Variants in PCCA observed in about 807,000 individuals in gnomAD.
PCCA encodes propionyl-CoA carboxylase subunit alpha.
PCCA carries 74 observed loss-of-function variants against 101.3 expected under a neutral mutation model. The ratio of observed to expected loss-of-function variants is 0.73; its 90% CI spans 0.61 to 0.89. The LOEUF (loss-of-function observed/expected upper bound fraction) is 0.89, where lower values mean the gene tolerates loss of function less well. Ranked by LOEUF, PCCA falls within the 40% of genes least tolerant of loss-of-function variation. The pLI, the probability that PCCA is intolerant of heterozygous loss-of-function variation, is 0.00. For synonymous variants in PCCA, 294 were observed against 313.6 expected (o/e 0.94, Z 0.66); for missense variants, 891 against 907.0 (o/e 0.98, Z 0.23).
At chr13:100,416,059 C>T (rs2078336652) in intron 19 of PCCA, among the ~76,000 whole-genome samples, 1 of 152,138 alleles carries the variant, frequency 6.6e-6, no homozygotes, top group South Asian at 2.1e-4. Flanking sequence ...TTCCAAACAA[C>T]TCATGGAAAA....
intron 7 of PCCA, among the ~76,000 whole-genome samples, chr13:100,227,110 T>G (rs1384366252): frequency 1.3e-5 from 2 of 152,094 alleles, no homozygotes; most frequent in Non-Finnish European, 2.9e-5. Context: ...TAGCTGGGAT[T>G]GCAGGCATGC....
intron 2 of PCCA, among the ~76,000 whole-genome samples, chr13:100,108,460 C>CT (rs551826823): frequency 1.3e-5 from 2 of 151,928 alleles, no homozygotes; most frequent in Non-Finnish European, 2.9e-5. Flanking sequence ...ATCATCTGGA[C>CT]TTTTTTTTAT....
At chr13:100,481,301 TA>T (rs2083905192) in intron 21 of PCCA, 1 of 152,286 alleles carries the variant, frequency 6.6e-6, no homozygotes. Flanking sequence ...CTCACACCTG[TA>T]ATCCCAGCAT....
At chr13:100,454,589 G>A (rs1200474490) in intron 21 of PCCA, among the ~76,000 whole-genome samples, 1 of 152,198 alleles carries the variant, frequency 6.6e-6, no homozygotes, top group African/African-American at 2.4e-5. Flanking sequence ...ATGTCCCATG[G>A]CAAAGGTGAT....
intron 12 of PCCA, among the ~76,000 whole-genome samples, chr13:100,281,022 GA>G (rs919065284): frequency 1.3e-5 from 2 of 150,900 alleles, no homozygotes; most frequent in Admixed American, 6.6e-5. Context: ...AAAACAGAAG[GA>G]AAAAAAAATC....
rs149740455 is a variant in PCCA at position 100,202,949 on chromosome 13, C to T, written c.469-6383C>T. On this transcript the variant is annotated intron_variant, in intron 6 of 23. Transcript: ENST00000376285. ...TTATACTATTTTATGTTATGTGTCA[C>T]TTAAAAATGTCTTTTAACTTGTTTT... Among the ~76,000 whole-genome samples the T allele has an allele frequency of 1.8e-3, 272 of 152,026 alleles. 2 individuals carry two copies. The highest frequency in any genetic ancestry group is 6.3e-3 in the African/African-American group (260 of 41,480).
At chr13:100,223,226 T>C (rs2059927131) in intron 7 of PCCA, among the ~76,000 whole-genome samples, 1 of 152,156 alleles carries the variant, frequency 6.6e-6, no homozygotes, top group African/African-American at 2.4e-5. Context: ...TAAAGCCTTC[T>C]GTGTCCGGAA....
intron 1 of PCCA, among the ~76,000 whole-genome samples, chr13:100,092,520 C>T (rs1357541116): frequency 6.6e-6 from 1 of 151,996 alleles, no homozygotes; most frequent in Non-Finnish European, 1.5e-5. Flanking sequence ...GTAGGTGGGA[C>T]CACAGGCACG....
intron 21 of PCCA, among the ~76,000 whole-genome samples, chr13:100,468,844 G>A (rs2152952545): frequency 6.6e-6 from 1 of 152,198 alleles, no homozygotes; most frequent in Middle Eastern, 3.4e-3. Flanking sequence ...GGCCAACATG[G>A]TGAAACTCCA....
intron 6 of PCCA, among the ~76,000 whole-genome samples, chr13:100,182,200 G>A (rs1413010204): frequency 1.4e-5 from 2 of 147,136 alleles, no homozygotes; most frequent in East Asian, 2.0e-4. Context: ...CCGTTCAAGC[G>A]ATTCTCCTGC....
intron 23 of PCCA, among the ~76,000 whole-genome samples, chr13:100,528,697 T>TG (rs2088086614): frequency 6.6e-6 from 1 of 152,242 alleles, no homozygotes; most frequent in Non-Finnish European, 1.5e-5. Flanking sequence ...ACAGTTGCAC[T>TG]GTGCTGGTAT....
chr13:100,268,727 TGAAA>T lies in PCCA; in HGVS notation c.861_864del (p.Arg288SerfsTer33). On this transcript the variant is annotated frameshift_variant, in exon 11 of 24. Coordinates refer to ENST00000376285, the MANE Select transcript of PCCA (RefSeq NM_000282.4). LOFTEE classifies it high-confidence loss of function. ...AACATGGGAATGCTTTATGGCTTAA[TGAAA>T]GAGAGTGCTCAATTCAGAGAAGAAA... The T allele has an allele frequency of 6.2e-7, 1 of 1,614,156 alleles. No individual in the cohort carries two copies. The highest frequency in any genetic ancestry group is 8.5e-7 in the Non-Finnish European group (1 of 1,179,952).
intron 4 of PCCA, among the ~76,000 whole-genome samples, chr13:100,126,369 A>T (rs1044291936): frequency 6.6e-6 from 1 of 151,746 alleles, no homozygotes; most frequent in Non-Finnish European, 1.5e-5. Flanking sequence ...CTTGTTTTCT[A>T]TGCATAAAGG....
At chr13:100,529,958 G>T in intron 23 of PCCA, 140 bp from the exon 24 acceptor site, 1 of 211,680 alleles carries the variant, frequency 4.7e-6, no homozygotes, top group Non-Finnish European at 6.8e-6. Context: ...GATGGGCTCC[G>T]GTGGGGTGGG....
intron 19 of PCCA, among the ~76,000 whole-genome samples, chr13:100,402,375 T>C (rs1386024533): frequency 2.0e-5 from 3 of 152,160 alleles, no homozygotes; most frequent in African/African-American, 7.2e-5. Context: ...TGTCAGTTTT[T>C]ATATTTTAGT....
chr13:100,425,630 C>G lies in PCCA; in HGVS notation c.1747-3C>G, dbSNP rs1555455109. The G allele has an allele frequency of 8.1e-6, 13 of 1,605,572 alleles. No individual in the cohort carries two copies. The highest frequency in any genetic ancestry group is 1.3e-5 in the African/African-American group (1 of 74,790). On this transcript the variant is annotated splice_polypyrimidine_tract_variant and splice_region_variant and intron_variant, in intron 19 of 23. Coordinates refer to ENST00000376285, the MANE Select transcript of PCCA (RefSeq NM_000282.4). ...GTAATGGTCTTATTTGGTGTCACAA[C>G]AGGTGGAAGTTGATGGGTCGAAACT...
intron 21 of PCCA, among the ~76,000 whole-genome samples, chr13:100,473,886 CT>C (rs2083215459): frequency 3.9e-5 from 6 of 152,266 alleles, no homozygotes; most frequent in Admixed American, 3.9e-4. Context: ...AACTTAATTT[CT>C]GGGGACAACA....
At chr13:100,401,735 G>A (rs554233116) in intron 19 of PCCA, among the ~76,000 whole-genome samples, 1 of 152,102 alleles carries the variant, frequency 6.6e-6, no homozygotes, top group South Asian at 2.1e-4. Flanking sequence ...ATATATATTA[G>A]ACATGCTGTT....
intron 9 of PCCA, among the ~76,000 whole-genome samples, chr13:100,259,586 G>A (rs1187572307): frequency 6.6e-6 from 1 of 151,918 alleles, no homozygotes; most frequent in Non-Finnish European, 1.5e-5. Flanking sequence ...GCCTGCCTCG[G>A]CCTCCCAAAG....
Sources: gnomAD v4.1 joint callset for allele counts (sites outside exome capture counted in the v4.1 genomes callset) on GRCh38, gnomAD v4.1.1 for gene constraint, MANE v1.5 for transcripts, NCBI Gene and HGNC (gene_info 2026-07-23, HGNC 2026-07-21) for gene names.